The following GRM1 variants were observed in gnomAD, a reference collection of about 807,000 sequenced individuals.
GRM1 encodes metabotropic glutamate receptor 1.
Under a neutral mutation model 90.9 loss-of-function variants are expected in GRM1, and 33 were observed. That is an observed-to-expected ratio of 0.36 (90% confidence interval 0.28 to 0.49). GRM1 has a LOEUF of 0.49. Ranked by LOEUF, GRM1 falls within the 20% of genes least tolerant of loss-of-function variation. GRM1 has a pLI of 0.99. For missense variants in GRM1, 1,190 were observed against 1,534.3 expected (o/e 0.78, Z 3.75); for synonymous variants, 700 against 613.2 (o/e 1.14, Z -2.09).
At chr6:146,268,323 T>A (rs928459548) in intron 2 of GRM1, among the ~76,000 whole-genome samples, 2 of 152,244 alleles carry the variant, frequency 1.3e-5, no homozygotes, top group East Asian at 3.8e-4. Flanking sequence ...TGTCCACTTA[T>A]GTTTATGCTT....
At chr6:146,090,730 C>T (rs2128867276) in intron 1 of GRM1, among the ~76,000 whole-genome samples, 1 of 152,060 alleles carries the variant, frequency 6.6e-6, no homozygotes, top group East Asian at 1.9e-4. Context: ...ATAAAAGCCA[C>T]AGAAATCCAA....
chr6:146,251,807 G>A (rs879311771), intron 2 of GRM1, among the ~76,000 whole-genome samples: 2 of 152,182 alleles, frequency 1.3e-5, no homozygotes, highest in Non-Finnish European at 2.9e-5. Context: ...CGTCTCCACT[G>A]ATGGCATCTT....
chr6:146,143,426 C>T (rs1225478472), intron 1 of GRM1, among the ~76,000 whole-genome samples: 1 of 152,142 alleles, frequency 6.6e-6, no homozygotes, highest in Non-Finnish European at 1.5e-5. Flanking sequence ...AGGAGAACAG[C>T]TGGATCCTGA....
intron 2 of GRM1, among the ~76,000 whole-genome samples, chr6:146,197,514 C>T (rs1009918965): frequency 1.3e-5 from 2 of 152,160 alleles, no homozygotes; most frequent in Non-Finnish European, 2.9e-5. Flanking sequence ...ATGGGGTTTA[C>T]CAATGCATCC....
At chr6:146,171,592 A>G (rs1778128440) in intron 2 of GRM1, 1 of 249,206 alleles carries the variant, frequency 4.0e-6, no homozygotes, top group Non-Finnish European at 8.8e-6. Context: ...AAAAGGTTGA[A>G]AATTGGCTGC....
rs140037763 is a variant in GRM1 at position 146,405,763 on chromosome 6, T to C, written c.2660+6064T>C. On this transcript the variant is annotated intron_variant, in intron 7 of 7. Coordinates refer to ENST00000282753, the MANE Select transcript of GRM1 (RefSeq NM_001278064.2). ...TCCCATCCTAGGAGCCCCATCCTTA[T>C]GACTTCATCTAAACCTAATTACCCA... is the stretch of plus-strand genomic sequence containing the variant. Among the ~76,000 whole-genome samples the C allele has an allele frequency of 8.3e-3, 1,266 of 152,336 alleles. 8 individuals are homozygous for C. The highest frequency in any genetic ancestry group is 9.7e-3 in the Non-Finnish European group (660 of 68,030).
chr6:146,331,549 T>C (rs1245363790), intron 3 of GRM1, among the ~76,000 whole-genome samples: 4 of 152,136 alleles, frequency 2.6e-5, no homozygotes, highest in Non-Finnish European at 5.9e-5. Flanking sequence ...AAACCTGTCA[T>C]AAGCAAGGGA....
At position 146,189,424 on chromosome 6, in the gene GRM1, G is replaced by A. The variant is rs868292174; in HGVS notation, c.950+29827G>A. Among the ~76,000 whole-genome samples, 10 of 152,168 alleles carry A rather than the reference G, an allele frequency of 6.6e-5. No homozygotes were observed. The Middle Eastern group carries it at 0.01, about 156-fold the overall frequency. Reference sequence around the variant, plus strand: ...ATTCCTATTCTGATTCTAAATATGAGCCTAATGCAATGAGTGAGTTGACTT... The same window carrying A: ...ATTCCTATTCTGATTCTAAATATGAACCTAATGCAATGAGTGAGTTGACTT... On this transcript the variant is annotated intron_variant, in intron 2 of 7. Transcript: ENST00000282753.
chr6:146,031,581 T>G (rs1390004429), intron 1 of GRM1, among the ~76,000 whole-genome samples: 2 of 150,728 alleles, frequency 1.3e-5, no homozygotes, highest in Non-Finnish European at 3.0e-5. Context: ...TGGAAAAAAC[T>G]ATCTGCTGTG....
intron 1 of GRM1, among the ~76,000 whole-genome samples, chr6:146,043,924 A>G (rs1004374742): frequency 1.6e-4 from 24 of 151,476 alleles, no homozygotes; most frequent in Non-Finnish European, 1.2e-4. Flanking sequence ...AACTGGAGGT[A>G]TCTTACACTC....
chr6:146,043,411 A>G (rs1382518150), intron 1 of GRM1, among the ~76,000 whole-genome samples: 1 of 152,032 alleles, frequency 6.6e-6, no homozygotes, highest in Non-Finnish European at 1.5e-5. Context: ...TAAAGGTCAG[A>G]ACAGGGATTA....
Position 146,157,797 on chromosome 6 carries a change from T to G in GRM1, c.701-1551T>G, listed in dbSNP as rs577533486. ...CAGAAAGATTGATAGATAATATAAA[T>G]GCCAGTGAAGAAATGTTTATAGATG... On this transcript the variant is annotated intron_variant, in intron 1 of 7. Coordinates refer to ENST00000282753, the MANE Select transcript of GRM1 (RefSeq NM_001278064.2). 3.3e-5 allele frequency among the ~76,000 whole-genome samples: 5 copies of G among 152,172 alleles called. No individual in the cohort carries two copies. The South Asian group carries it at 1.0e-3, about 32-fold the overall frequency.
chr6:146,042,972 G>A (rs1052798413), intron 1 of GRM1, among the ~76,000 whole-genome samples: 3 of 151,952 alleles, frequency 2.0e-5, no homozygotes, highest in African/African-American at 7.2e-5. Flanking sequence ...AGTGTCATCT[G>A]GGAGATCATT....
chr6:146,396,104 C>CTATCTATCTATCATCTATCTATT, intron 6 of GRM1, among the ~76,000 whole-genome samples: 1 of 147,014 alleles, frequency 6.8e-6, no homozygotes, highest in African/African-American at 2.5e-5. Context: ...ATCTATCTAT[C>CTATCTATCTATCATCTATCTATT]GTCTATATAT....
At chr6:146,303,461 A>T (rs756756450) in intron 2 of GRM1, among the ~76,000 whole-genome samples, 3 of 152,170 alleles carry the variant, frequency 2.0e-5, no homozygotes, top group Admixed American at 6.5e-5. Flanking sequence ...AAAACTGTAA[A>T]TTATTTCTCT....
At chr6:146,427,947 C>T (rs566788654) in intron 7 of GRM1, among the ~76,000 whole-genome samples, 1 of 152,010 alleles carries the variant, frequency 6.6e-6, no homozygotes, top group East Asian at 1.9e-4. Flanking sequence ...GACAGCAGGG[C>T]CAGAGAGAGA....
chr6:146,359,147 T>C (rs1477603727), intron 5 of GRM1, among the ~76,000 whole-genome samples: 1 of 152,136 alleles, frequency 6.6e-6, no homozygotes, highest in Non-Finnish European at 1.5e-5. Flanking sequence ...TCTAAGAATG[T>C]GTAAAAGTAG....
At chr6:146,410,814 T>G (rs1777537698) in intron 7 of GRM1, among the ~76,000 whole-genome samples, 1 of 152,104 alleles carries the variant, frequency 6.6e-6, no homozygotes, top group Non-Finnish European at 1.5e-5. Flanking sequence ...ATAAAAGGTT[T>G]CAGTAGGGTT....
intron 1 of GRM1, among the ~76,000 whole-genome samples, chr6:146,146,842 G>T (rs1562492131): frequency 6.6e-6 from 1 of 152,124 alleles, no homozygotes. Context: ...TAAGAAATAA[G>T]TTCCTTTTCT....
Sources: gnomAD v4.1 joint callset for allele counts (sites outside exome capture counted in the v4.1 genomes callset) on GRCh38, gnomAD v4.1.1 for gene constraint, MANE v1.5 for transcripts, NCBI Gene and HGNC (gene_info 2026-07-23, HGNC 2026-07-21) for gene names.